The following PCDHGB1 variants were observed in gnomAD, a reference collection of about 807,000 sequenced individuals.
The protein encoded by PCDHGB1 is protocadherin gamma subfamily B, 1.
A neutral mutation model predicts 56.6 loss-of-function variants in PCDHGB1; 34 were observed. The ratio of observed to expected loss-of-function variants is 0.60; its 90% confidence interval spans 0.46 to 0.80. The LOEUF is 0.80. Ranked by LOEUF, PCDHGB1 falls within the 30% of genes least tolerant of loss-of-function variation. The probability of loss-of-function intolerance (pLI) is 0.00; values close to 1 mark genes in which losing one functional copy is unlikely to be tolerated. For synonymous variants in PCDHGB1, 561 were observed against 505.9 expected (o/e 1.11, Z -1.46); for missense variants, 1,278 against 1,204.6 (o/e 1.06, Z -0.90).
chr5:141,487,258 G>A lies in PCDHGB1; in HGVS notation c.2410-7549G>A, dbSNP rs368598017. The A allele has an allele frequency of 3.7e-6, 6 of 1,614,026 alleles. No homozygotes were observed. Among genetic ancestry groups the A allele is most frequent in the Non-Finnish European group, 4.2e-6 (5 of 1,180,030 alleles). On this transcript the variant is annotated intron_variant, in intron 1 of 3. Transcript: ENST00000523390. The surrounding 1 kb of genome is among the most constrained non-coding windows in gnomAD (Gnocchi z 5.0). ...CTCGTCTAACCCTCTACTTGGCTGT[G>A]TCCCTAGTGGCAATTTGCTTTGTCT...
In PCDHGB1 at chr5:141,352,090, C is replaced by T. The variant is rs565782021; in HGVS notation, c.1830C>T (p.Pro610=). The change falls in exon 1 of 4, where the codon CCC becomes CCT. Residue 610 remains proline, a synonymous_variant. Coordinates refer to ENST00000523390, the MANE Select transcript of PCDHGB1 (RefSeq NM_018922.3). ...LSYHVLQASE[P]GLFSLGLRTG... is the part of the protein sequence containing the mutation. ...ACCACGTGCTGCAGGCCAGCGAGCC[C>T]GGGCTCTTCAGCCTGGGGTTGCGCA... is the stretch of plus-strand genomic sequence containing the variant. 7.5e-6 allele frequency: 12 copies of T among 1,605,188 alleles called. No homozygotes were observed. Among genetic ancestry groups the T allele is most frequent in the East Asian group, 6.7e-5 (3 of 44,728 alleles).
intron 1 of PCDHGB1, chr5:141,385,002 C>T: frequency 6.2e-7 from 1 of 1,614,138 alleles, no homozygotes; most frequent in Admixed American, 1.7e-5. Flanking sequence ...CCACAGTCTC[C>T]TGCGTCTTCC....
Position 141,415,740 on chromosome 5 carries a change from GTTTTTTTTTTTTTTTT to G in PCDHGB1, c.2409+63088_2409+63103del, listed in dbSNP as rs57426385. 54 of 625,040 alleles carry G rather than the reference GTTTTTTTTTTTTTTTT, an allele frequency of 8.6e-5. 1 individual carries two copies. The East Asian group carries it at 1.4e-3, about 16-fold the overall frequency. The allele number at this position is 625,040 out of a possible 1,614,324, so 38.7% of individuals were successfully genotyped here. ...TGAGTAGAATTTGATGTTTATTAAG[GTTTTTTTTTTTTTTTT>G]TTTTTTTTTTTTTTTTACTTTCTGG... On this transcript the variant is annotated intron_variant, in intron 1 of 3. Transcript: ENST00000523390.
In PCDHGB1 at chr5:141,370,820, C is replaced by T. The variant is rs140287572; in HGVS notation, c.2409+18151C>T. On this transcript the variant is annotated intron_variant, in intron 1 of 3. Coordinates refer to ENST00000523390, the MANE Select transcript of PCDHGB1 (RefSeq NM_018922.3). ...GCCAAAATATCACTGAGCTGGAAATCAGCGAACTGGCTCTCACTGGAGCCA... is the reference window on the plus strand; with the variant it reads ...GCCAAAATATCACTGAGCTGGAAATTAGCGAACTGGCTCTCACTGGAGCCA... 7 of 1,614,062 alleles carry T rather than the reference C, an allele frequency of 4.3e-6. No homozygotes were observed. The African/African-American group carries it at 5.3e-5, about 12-fold the overall frequency.
chr5:141,380,459 C>T (rs1776510464), intron 1 of PCDHGB1, among the ~76,000 whole-genome samples: 1 of 152,164 alleles, frequency 6.6e-6, no homozygotes, highest in Non-Finnish European at 1.5e-5. Flanking sequence ...TGCAACCAAA[C>T]AAATGGTCAG....
At chr5:141,466,654 C>A (rs985749176) in intron 1 of PCDHGB1, among the ~76,000 whole-genome samples, 12 of 152,178 alleles carry the variant, frequency 7.9e-5, no homozygotes, top group African/African-American at 2.9e-4. Flanking sequence ...TTTCACAAAA[C>A]ATCAGTGATT....
At chr5:141,450,460 TTATA>T (rs1234300844) in intron 1 of PCDHGB1, among the ~76,000 whole-genome samples, 1 of 152,104 alleles carries the variant, frequency 6.6e-6, no homozygotes, top group Non-Finnish European at 1.5e-5. Flanking sequence ...CCTCGTGATT[TTATA>T]TATAGAGTTT....
chr5:141,490,417 C>A lies in PCDHGB1; in HGVS notation c.2410-4390C>A, dbSNP rs767996336. ...AGTGAGCCTTGATATCTCTCCGGAC[C>A]TGCCATTTCAGATTAAGCCTTCTGA... On this transcript the variant is annotated intron_variant, in intron 1 of 3. Transcript: ENST00000523390. The surrounding 1 kb of genome is among the most constrained non-coding windows in gnomAD (Gnocchi z 5.4). 4.3e-6 allele frequency: 7 copies of A among 1,614,196 alleles called. No homozygotes were observed. In the South Asian group the frequency reaches 7.7e-5, roughly 18 times the overall value.
chr5:141,482,981 A>C (rs1377809325), intron 1 of PCDHGB1, among the ~76,000 whole-genome samples: 1 of 150,250 alleles, frequency 6.7e-6, no homozygotes, highest in Non-Finnish European at 1.5e-5. Context: ...GCTACTTGAG[A>C]GGTCGAGGCA....
chr5:141,503,164 C>G (rs1262310388), intron 2 of PCDHGB1, among the ~76,000 whole-genome samples: 2 of 152,068 alleles, frequency 1.3e-5, no homozygotes, highest in East Asian at 3.9e-4. Flanking sequence ...ATCACAATTG[C>G]AATTACTCTA....
intron 1 of PCDHGB1, chr5:141,366,578 C>T: frequency 6.2e-7 from 1 of 1,614,264 alleles, no homozygotes; most frequent in Non-Finnish European, 8.5e-7. Flanking sequence ...TCGGGCTTTC[C>T]TGCAGACCTA....
At chr5:141,415,562 CT>C in intron 1 of PCDHGB1, 3 of 1,613,960 alleles carry the variant, frequency 1.9e-6, no homozygotes, top group Non-Finnish European at 1.7e-6. Context: ...GATCCTTTGT[CT>C]TTGTTAGATG....
intron 2 of PCDHGB1, among the ~76,000 whole-genome samples, chr5:141,497,905 C>T (rs1052659134): frequency 6.6e-6 from 1 of 152,178 alleles, no homozygotes; most frequent in Non-Finnish European, 1.5e-5. Context: ...GTAACTTCAA[C>T]TTCTCTCCTT....
At chr5:141,460,909 G>A (rs1473458228) in intron 1 of PCDHGB1, among the ~76,000 whole-genome samples, 4 of 123,246 alleles carry the variant, frequency 3.2e-5, no homozygotes, top group Non-Finnish European at 6.6e-5. Context: ...AATATTCCAT[G>A]GTGTATATAT....
intron 1 of PCDHGB1, chr5:141,384,667 A>G: frequency 6.2e-7 from 1 of 1,614,186 alleles, no homozygotes. Context: ...CCTGGTGACC[A>G]AGGTGGTGGC....
At chr5:141,410,764 A>G (rs1288407043) in intron 1 of PCDHGB1, 2 of 1,105,068 alleles carry the variant, frequency 1.8e-6, no homozygotes, top group African/African-American at 1.6e-5. Context: ...TTTTTCAATT[A>G]TAGTTTTCAC....
At position 141,424,020 on chromosome 5, in the gene PCDHGB1, C is replaced by A. The variant is rs1326303938; in HGVS notation, c.2410-70787C>A. ...TATATAGATACAAATTAATGATTCA[C>A]AAACACTTTTTATTTCCATTTCAAT... On this transcript the variant is annotated intron_variant, in intron 1 of 3. Coordinates refer to ENST00000523390, the MANE Select transcript of PCDHGB1 (RefSeq NM_018922.3). 3 of 1,050,122 alleles carry A rather than the reference C, an allele frequency of 2.9e-6. No individual in the cohort carries two copies. In the East Asian group the frequency reaches 2.2e-4, roughly 77 times the overall value. The allele number at this position is 1,050,122 out of a possible 1,614,324, so 65.1% of individuals were successfully genotyped here. A position where few individuals can be genotyped will look rare whatever the true frequency, so the allele number is the denominator to read the frequency against.
intron 1 of PCDHGB1, among the ~76,000 whole-genome samples, chr5:141,465,422 G>A (rs74711061): frequency 0.01 from 1,576 of 152,260 alleles, 21 homozygotes; most frequent in African/African-American, 0.037. Context: ...AGCACTGAAA[G>A]GTGGGCACTT....
intron 1 of PCDHGB1, chr5:141,366,950 T>C: frequency 2.8e-6 from 2 of 712,110 alleles, no homozygotes; most frequent in Non-Finnish European, 4.3e-6. Context: ...CTGATATCTG[T>C]AGACTTAAGT....
Sources: allele counts gnomAD v4.1 joint callset (sites outside exome capture counted in the v4.1 genomes callset), GRCh38; gene constraint gnomAD v4.1.1; non-coding constraint Gnocchi (gnomAD v3.1); transcripts MANE v1.5; gene names NCBI Gene and HGNC (gene_info 2026-07-23, HGNC 2026-07-21).